PPP1R13B: variants seen among roughly 807,000 people sequenced by gnomAD.
PPP1R13B encodes the protein protein phosphatase 1 regulatory subunit 13B, also known as apoptosis-stimulating of p53 protein 1.
Under a neutral mutation model 119.8 loss-of-function variants are expected in PPP1R13B, and 44 were observed. That is an observed-to-expected ratio of 0.37 (90% CI 0.29 to 0.47). PPP1R13B has a LOEUF of 0.47. Ranked by LOEUF, PPP1R13B falls within the 20% of genes least tolerant of loss-of-function variation. The pLI is 0.99. For missense variants in PPP1R13B, 1,227 were observed against 1,413.5 expected (o/e 0.87, Z 2.12); for synonymous variants, 542 against 561.5 (o/e 0.97, Z 0.49).
At chr14:103,820,109 A>C (rs2086372121) in intron 1 of PPP1R13B, among the ~76,000 whole-genome samples, 1 of 152,170 alleles carries the variant, frequency 6.6e-6, no homozygotes, top group African/African-American at 2.4e-5. Flanking sequence ...CAGGGGAAAA[A>C]GGCCAGCAAC....
chr14:103,743,121 C>G (rs2084301075), intron 9 of PPP1R13B, among the ~76,000 whole-genome samples: 1 of 152,256 alleles, frequency 6.6e-6, no homozygotes, highest in Non-Finnish European at 1.5e-5. Context: ...GGGCCTGGGG[C>G]TGCACCCTAT....
chr14:103,824,955 T>A (rs1416506482), intron 1 of PPP1R13B, among the ~76,000 whole-genome samples: 3 of 151,886 alleles, frequency 2.0e-5, no homozygotes, highest in Non-Finnish European at 4.4e-5. Flanking sequence ...GCATTTTTTT[T>A]AACAAATTGA....
At chr14:103,780,331 C>T (rs1318945873) in intron 3 of PPP1R13B, among the ~76,000 whole-genome samples, 1 of 150,278 alleles carries the variant, frequency 6.7e-6, no homozygotes, top group African/African-American at 2.4e-5. Context: ...ACCAAAAATA[C>T]AAAAAATTAG....
At chr14:103,830,004 C>G (rs973714297) in intron 1 of PPP1R13B, among the ~76,000 whole-genome samples, 1 of 152,016 alleles carries the variant, frequency 6.6e-6, no homozygotes, top group African/African-American at 2.4e-5. Flanking sequence ...GTCTCCATCT[C>G]CTGATGTCAT....
rs1440302942 is a variant in PPP1R13B, at chr14:103,778,336, A to G, written c.354+409T>C. 8.1e-5 allele frequency among the ~76,000 whole-genome samples: 11 copies of G among 135,720 alleles called. No homozygotes were observed. The East Asian group carries it at 2.3e-3, about 28-fold the overall frequency. The allele number at this position is 135,720 out of a possible 152,430, so 89.0% of individuals were successfully genotyped here. On this transcript the variant is annotated intron_variant, in intron 4 of 16. Coordinates refer to ENST00000202556, the MANE Select transcript of PPP1R13B (RefSeq NM_015316.3). ...GAGTACAGTGGTGCGATCTTGGCTCACTGCAACCTCTGCCTCCCGGGTTCC... is the reference window on the plus strand; with the variant it reads ...GAGTACAGTGGTGCGATCTTGGCTCGCTGCAACCTCTGCCTCCCGGGTTCC...
At chr14:103,811,057 T>C (rs1035683052) in intron 1 of PPP1R13B, among the ~76,000 whole-genome samples, 1 of 126,614 alleles carries the variant, frequency 7.9e-6, no homozygotes, top group Non-Finnish European at 1.5e-5. Flanking sequence ...TATGCCACAC[T>C]GCACTCCAGC....
chr14:103,841,445 C>A (rs1350014238), intron 1 of PPP1R13B, among the ~76,000 whole-genome samples: 4 of 152,018 alleles, frequency 2.6e-5, no homozygotes, highest in South Asian at 4.2e-4. Context: ...AAAAAATTAG[C>A]CAGGCATGGT....
In PPP1R13B at chr14:103,734,901, G is replaced by C; in HGVS notation, c.*253C>G. On this transcript the variant is annotated 3_prime_UTR_variant, in exon 17 of 17. Transcript: ENST00000202556. ...GGCAAGAGGGGTGGGTGTTTTGAAA[G>C]TGGGTATTTATTTGGATTTATAGTA... 1.6e-6 allele frequency: 1 copy of C among 618,806 alleles called. No homozygotes were observed. Among genetic ancestry groups the C allele is most frequent in the Non-Finnish European group, 3.0e-6 (1 of 333,786 alleles). 38.3% of individuals were successfully genotyped at this position (618,806 alleles called of 1,614,324 possible). A position where few individuals can be genotyped will look rare whatever the true frequency, so the allele number is the denominator to read the frequency against.
rs1413159350 is a variant in PPP1R13B at position 103,734,809 on chromosome 14, C to T, written c.*345G>A. 13 of 459,996 alleles carry T rather than the reference C, an allele frequency of 2.8e-5. No individual in the cohort carries two copies. The highest frequency in any genetic ancestry group is 3.9e-5 in the African/African-American group (2 of 50,796). 28.5% of individuals were successfully genotyped at this position (459,996 alleles called of 1,614,324 possible). A position where few individuals can be genotyped will look rare whatever the true frequency, so the allele number is the denominator to read the frequency against. The stretch of plus-strand genomic sequence containing the variant: ...TCACTGCTGGAGGGGGTGATGGCCT[C>T]GGGGCCAAGTCAGTAAGAGCTTCTG... On this transcript the variant is annotated 3_prime_UTR_variant, in exon 17 of 17. Transcript: ENST00000202556.
At chr14:103,796,491 A>G (rs142647008) in intron 2 of PPP1R13B, among the ~76,000 whole-genome samples, 2 of 152,336 alleles carry the variant, frequency 1.3e-5, no homozygotes, top group East Asian at 3.9e-4. Context: ...GAGAATGTGC[A>G]GAAATTCTCC....
chr14:103,743,122 T>C (rs939147807), intron 9 of PPP1R13B, among the ~76,000 whole-genome samples: 2 of 152,264 alleles, frequency 1.3e-5, no homozygotes, highest in South Asian at 2.1e-4. Context: ...GGCCTGGGGC[T>C]GCACCCTATT....
At chr14:103,843,071 T>TCA (rs979263187) in intron 1 of PPP1R13B, among the ~76,000 whole-genome samples, 1 of 151,988 alleles carries the variant, frequency 6.6e-6, no homozygotes, top group Admixed American at 6.6e-5. Flanking sequence ...CCACACTCTT[T>TCA]CAAAAAGAAA....
chr14:103,820,536 T>A (rs972164361), intron 1 of PPP1R13B, among the ~76,000 whole-genome samples: 6 of 151,894 alleles, frequency 4.0e-5, no homozygotes, highest in Non-Finnish European at 1.5e-5. Context: ...TTACCCAGGC[T>A]GGAGTGCAGT....
rs543264436 is a variant in PPP1R13B at position 103,836,763 on chromosome 14, C to T, written c.9+10536G>A. ...CCAGCCTGGGCAACAGAGCAAGAGT[C>T]TGTCTCAGAAAAGAAAAAAAAAAAA... On this transcript the variant is annotated intron_variant, in intron 1 of 16. Transcript: ENST00000202556. 9.9e-4 allele frequency among the ~76,000 whole-genome samples: 137 copies of T among 138,234 alleles called. 3 individuals carry two copies. The South Asian group carries it at 0.016, about 17-fold the overall frequency. The allele number at this position is 138,234 out of a possible 152,430, so 90.7% of individuals were successfully genotyped here.
In PPP1R13B at chr14:103,738,880, G is replaced by A; in HGVS notation, c.2730+6C>T. 1 of 1,613,060 alleles carries A rather than the reference G, an allele frequency of 6.2e-7. No homozygotes were observed. On this transcript the variant is annotated splice_donor_region_variant and intron_variant, in intron 13 of 16. Coordinates refer to ENST00000202556, the MANE Select transcript of PPP1R13B (RefSeq NM_015316.3). The surrounding 1 kb of genome is among the most constrained non-coding windows in gnomAD (Gnocchi z 5.6). The stretch of plus-strand genomic sequence containing the variant: ...CAGCGTGCACTGGTCCCCGGCTGCA[G>A]CTCACCTCATAGATGATCCTCTGCA...
chr14:103,742,278 C>G lies in PPP1R13B; in HGVS notation c.1334G>C (p.Gly445Ala). 6.4e-7 allele frequency: 1 copy of G among 1,561,192 alleles called. No homozygotes were observed. The highest frequency in any genetic ancestry group is 8.6e-7 in the Non-Finnish European group (1 of 1,159,722). Reference sequence around the variant, plus strand: ...ACCCGGGATGGGAGGTGGCACTTTACCAATCTCGATGCCCTAAGTTTAGGT... The same window carrying G: ...ACCCGGGATGGGAGGTGGCACTTTAGCAATCTCGATGCCCTAAGTTTAGGT... ...GPTEKPGIEI[G>A]KVPPPIPGVG... Residue 445 changes from glycine (G) to alanine (A), a missense_variant, in exon 11 of 17, where the codon GGT becomes GCT. Physicochemically the swap from Gly to Ala is moderately conservative, Grantham distance 60. Coordinates refer to ENST00000202556, the MANE Select transcript of PPP1R13B (RefSeq NM_015316.3). This position sits in a 1 kb window ranked among gnomAD's most constrained non-coding sequence, Gnocchi z 4.9.
chr14:103,791,043 T>C (rs1038532693), intron 2 of PPP1R13B, among the ~76,000 whole-genome samples: 1 of 152,166 alleles, frequency 6.6e-6, no homozygotes, highest in African/African-American at 2.4e-5. Context: ...GTTCCATTCC[T>C]AGGTAAGTTC....
At chr14:103,737,605 T>G in intron 15 of PPP1R13B, 89 bp downstream of exon 15, 1 of 1,469,940 alleles carries the variant, frequency 6.8e-7, no homozygotes, top group Non-Finnish European at 9.2e-7. Flanking sequence ...CAGAAAGCTG[T>G]GCTGAAGCTT....
chr14:103,737,432 T>C, intron 15 of PPP1R13B: 2 of 346,854 alleles, frequency 5.8e-6, no homozygotes, highest in East Asian at 5.0e-5. Flanking sequence ...AAAAATTAGC[T>C]GGCTGTGGTG....
Sources: gnomAD v4.1 joint callset for allele counts (sites outside exome capture counted in the v4.1 genomes callset) on GRCh38, gnomAD v4.1.1 for gene constraint, Gnocchi (gnomAD v3.1) non-coding constraint, MANE v1.5 for transcripts, NCBI Gene and HGNC (gene_info 2026-07-23, HGNC 2026-07-21) for gene names.